TBC1D8: variants seen among roughly 807,000 people sequenced by gnomAD.
TBC1D8 encodes BUB2-like protein 1.
A neutral mutation model predicts 118.8 loss-of-function variants in TBC1D8; 65 were observed. The ratio of observed to expected loss-of-function variants is 0.55; its 90% confidence interval spans 0.45 to 0.67. The LOEUF (loss-of-function observed/expected upper bound fraction) is 0.67, where lower values mean the gene tolerates loss of function less well. Ranked by LOEUF, TBC1D8 falls within the 30% of genes least tolerant of loss-of-function variation. The pLI, the probability that TBC1D8 is intolerant of heterozygous loss-of-function variation, is 0.00. For synonymous variants in TBC1D8, 566 were observed against 595.8 expected, an observed-to-expected ratio of 0.95 and a Z score of 0.73; for missense variants, 1,376 against 1,471.2, an observed-to-expected ratio of 0.94 and a Z score of 1.06.
At chr2:101,111,786 C>A (rs1050227624) in intron 1 of TBC1D8, among the ~76,000 whole-genome samples, 13 of 152,086 alleles carry the variant, frequency 8.5e-5, no homozygotes, top group Non-Finnish European at 1.5e-4. Context: ...TTCAGTTTTG[C>A]AGGATGAAAA....
chr2:101,008,246 G>A lies in TBC1D8; in HGVS notation c.3043C>T (p.Leu1015=). The A allele has an allele frequency of 6.4e-7, 1 of 1,559,532 alleles. No individual in the cohort carries two copies. Among genetic ancestry groups the A allele is most frequent in the Non-Finnish European group, 8.7e-7 (1 of 1,151,384 alleles). ...GGATCTTCATGGAACATACTGTACA[G>A]AGTTTTACAGAACTGGATAAATTCT... ...QREFIQFCKT[L]YSMFHEDPEE... is the part of the protein sequence containing the mutation. The change falls in exon 20 of 20, where the codon CTG becomes TTG. Residue 1015 remains leucine (L), a synonymous_variant. Transcript: ENST00000409318.
At chr2:101,125,781 T>C (rs763072546) in intron 1 of TBC1D8, among the ~76,000 whole-genome samples, 12 of 152,252 alleles carry the variant, frequency 7.9e-5, no homozygotes, top group Non-Finnish European at 1.5e-4. Flanking sequence ...TTACCTTTCC[T>C]TAATGCCAGA....
At chr2:101,108,339 T>C (rs987769142) in intron 1 of TBC1D8, among the ~76,000 whole-genome samples, 1 of 152,260 alleles carries the variant, frequency 6.6e-6, no homozygotes, top group Admixed American at 6.5e-5. Context: ...ATGTAATGTG[T>C]TGTCCTGAAT....
chr2:101,029,842 TAA>T (rs1366714672), intron 11 of TBC1D8, 66 bp from the exon 12 acceptor site: 10 of 1,510,554 alleles, frequency 6.6e-6, no homozygotes, highest in Non-Finnish European at 8.1e-6. Flanking sequence ...AGTCTGAAAT[TAA>T]AATCACTCTG....
intron 2 of TBC1D8, among the ~76,000 whole-genome samples, chr2:101,074,250 T>G (rs1364508927): frequency 6.6e-6 from 1 of 152,200 alleles, no homozygotes; most frequent in Non-Finnish European, 1.5e-5. Flanking sequence ...GGTGGAGCAG[T>G]CAGAATACAT....
At chr2:101,063,083 G>A (rs1042437629) in intron 2 of TBC1D8, among the ~76,000 whole-genome samples, 1 of 152,004 alleles carries the variant, frequency 6.6e-6, no homozygotes, top group African/African-American at 2.4e-5. Context: ...GCATCCTTTC[G>A]GACGACCTGA....
intron 2 of TBC1D8, among the ~76,000 whole-genome samples, chr2:101,080,234 G>A (rs1407387817): frequency 6.6e-6 from 1 of 152,120 alleles, no homozygotes; most frequent in Non-Finnish European, 1.5e-5. Flanking sequence ...CCCCGAGCGT[G>A]ACCGAAAACA....
At chr2:101,147,670 C>T (rs1679375264) in intron 1 of TBC1D8, among the ~76,000 whole-genome samples, 2 of 152,122 alleles carry the variant, frequency 1.3e-5, no homozygotes. Flanking sequence ...CTATTAATGT[C>T]TTTTGCTCAT....
chr2:101,102,908 C>G (rs144829582), intron 1 of TBC1D8, among the ~76,000 whole-genome samples: 1 of 152,070 alleles, frequency 6.6e-6, no homozygotes, highest in African/African-American at 2.4e-5. Flanking sequence ...GAGATACTTT[C>G]ACCGGTGAAT....
In TBC1D8 at chr2:101,128,503, G is replaced by A. The variant is rs1678448051; in HGVS notation, c.127+22624C>T. On this transcript the variant is annotated intron_variant, in intron 1 of 19. Transcript: ENST00000409318. ...GCAGTCAAGTCCTCAGAGGCCAGGA[G>A]AGACAAAGAATCAGGTGCAAAAGTC... Among the ~76,000 whole-genome samples, 3 of 152,262 alleles carry A rather than the reference G, an allele frequency of 2.0e-5. No individual in the cohort carries two copies. In the South Asian group the frequency reaches 6.2e-4, roughly 32 times the overall value.
intron 1 of TBC1D8, among the ~76,000 whole-genome samples, chr2:101,142,004 C>T (rs1383016884): frequency 2.0e-5 from 3 of 152,062 alleles, no homozygotes; most frequent in Non-Finnish European, 4.4e-5. Flanking sequence ...TATGTAAATA[C>T]CTACCAGATT....
At chr2:101,148,449 G>A (rs149362712) in intron 1 of TBC1D8, among the ~76,000 whole-genome samples, 2 of 152,138 alleles carry the variant, frequency 1.3e-5, no homozygotes, top group Admixed American at 6.5e-5. Context: ...AAATAAATTG[G>A]TATATTGTAA....
At chr2:101,044,044 C>G (rs746992666) in intron 5 of TBC1D8, among the ~76,000 whole-genome samples, 4 of 152,214 alleles carry the variant, frequency 2.6e-5, no homozygotes, top group Non-Finnish European at 4.4e-5. Flanking sequence ...ATCGGCTTCT[C>G]TCTCAGTGGC....
At chr2:101,032,543 G>A (rs905584293) in intron 10 of TBC1D8, 158 bp from the exon 11 acceptor site, 13 of 600,036 alleles carry the variant, frequency 2.2e-5, no homozygotes, top group African/African-American at 7.3e-5. Context: ...TGGAATGACC[G>A]TGACAGCAAC....
chr2:101,035,950 CG>C (rs1315529479), intron 9 of TBC1D8, 67 bp downstream of exon 9: 55 of 1,568,270 alleles, frequency 3.5e-5, no homozygotes, highest in Non-Finnish European at 3.0e-5. Flanking sequence ...ACGCGCTGCT[CG>C]GGTCCGGGCT....
intron 2 of TBC1D8, among the ~76,000 whole-genome samples, chr2:101,069,014 A>G (rs550129666): frequency 6.6e-5 from 10 of 150,732 alleles, no homozygotes; most frequent in African/African-American, 2.4e-4. Flanking sequence ...AAAAAAAAAA[A>G]AAAAGGCCAG....
rs202111685 is a variant in TBC1D8 at position 101,038,559 on chromosome 2, G to C, written c.1177C>G (p.Arg393Gly). Residue 393 changes from arginine (R) to glycine (G), a missense_variant, in exon 7 of 20, where the codon CGG becomes GGG. Transcript: ENST00000409318. Reference protein sequence around the residue: ...SKVAFQFIELRDRDSLVEALL... With the variant: ...SKVAFQFIELGDRDSLVEALL... ...GCCTCCACCAGGCTGTCTCGGTCCC[G>C]GAGCTCAATGAACTGGAAGGCCACC... The C allele has an allele frequency of 6.2e-7, 1 of 1,613,860 alleles. No homozygotes were observed. Among genetic ancestry groups the C allele is most frequent in the Non-Finnish European group, 8.5e-7 (1 of 1,179,896 alleles).
chr2:101,118,423 A>G lies in TBC1D8; in HGVS notation c.128-28059T>C, dbSNP rs185030310. 1.5e-3 allele frequency among the ~76,000 whole-genome samples: 232 copies of G among 152,282 alleles called. 1 individual carries two copies. The highest frequency in any genetic ancestry group is 4.1e-3 in the East Asian group (21 of 5,176). The stretch of plus-strand genomic sequence containing the variant: ...TAAAGACTCCACCAGGTAGCCGGGC[A>G]CAGTGGCTCATGCCTGTAATCCCAG... On this transcript the variant is annotated intron_variant, in intron 1 of 19. Transcript: ENST00000409318.
At chr2:101,101,211 A>G (rs1005472952) in intron 1 of TBC1D8, among the ~76,000 whole-genome samples, 2 of 152,208 alleles carry the variant, frequency 1.3e-5, no homozygotes, top group Non-Finnish European at 2.9e-5. Flanking sequence ...AAAAAGCTAA[A>G]TAACTCCATC....
Sources: gnomAD v4.1 joint callset for allele counts (sites outside exome capture counted in the v4.1 genomes callset) on GRCh38, gnomAD v4.1.1 for gene constraint, MANE v1.5 for transcripts, NCBI Gene and HGNC (gene_info 2026-07-23, HGNC 2026-07-21) for gene names.